Variants in ERAP1 observed in about 807,000 individuals in gnomAD.
ERAP1 encodes the protein adipocyte-derived leucine aminopeptidase.
A neutral mutation model predicts 103.7 loss-of-function variants in ERAP1; 86 were observed. The observed-to-expected ratio is 0.83, with a 90% CI of 0.70 to 0.99. The LOEUF (loss-of-function observed/expected upper bound fraction) is 0.99. Ranked by LOEUF, ERAP1 falls within the 50% of genes least tolerant of loss-of-function variation. The pLI is 0.00. For missense variants in ERAP1, 1,009 were observed against 1,128.4 expected (o/e 0.89, Z 1.52); for synonymous variants, 398 against 402.4 (o/e 0.99, Z 0.13).
At chr5:96,927,385 T>A in the ERAP1 span, among the ~76,000 whole-genome samples, 109 of 152,378 alleles carry the variant, frequency 7.2e-4, 1 homozygote, top group African/African-American at 2.5e-3. Context: ...TGGATTTGAT[T>A]TGCTTTTCCC....
At chr5:96,819,902 T>G in the ERAP1 span, among the ~76,000 whole-genome samples, 1 of 152,232 alleles carries the variant, frequency 6.6e-6, no homozygotes, top group Non-Finnish European at 1.5e-5. Flanking sequence ...CAATTTTGAC[T>G]ATTTGGGTGT....
At chr5:96,809,804 A>C (rs925926422), upstream of ERAP1, among the ~76,000 whole-genome samples, 57 of 152,272 alleles carry the variant, frequency 3.7e-4, no homozygotes, top group African/African-American at 1.3e-3. Context: ...TTGTCCAGTA[A>C]ATGTATGCAT....
the ERAP1 span, among the ~76,000 whole-genome samples, chr5:96,833,840 C>T: frequency 1.2e-4 from 18 of 151,462 alleles, no homozygotes; most frequent in African/African-American, 4.1e-4. Context: ...TGAATTCTGA[C>T]AGGATTTTCT....
chr5:96,793,903 G>A lies in ERAP1; in HGVS notation c.974C>T (p.Thr325Ile). The A allele has an allele frequency of 1.2e-6, 2 of 1,614,134 alleles. No homozygotes were observed. The highest frequency in any genetic ancestry group is 2.2e-5 in the East Asian group (1 of 44,882). The change falls in exon 6 of 19, where the codon ACA becomes ATA. Residue 325 changes from threonine to isoleucine, a missense_variant. By Grantham distance (89) the Thr-to-Ile change is moderately conservative. Coordinates refer to ENST00000443439, the MANE Select transcript of ERAP1 (RefSeq NM_001040458.3). ...QSGAMENWGLTTYRESALLFD... is the reference protein window; with the variant it reads ...QSGAMENWGLITYRESALLFD... ...CAACAGAGCAGATTCTCTATATGTT[G>A]TCAGTCCCCAGTTTTCCATAGCACC...
chr5:96,935,286 G>C, the ERAP1 span: 3 of 152,316 alleles, frequency 2.0e-5, no homozygotes, highest in Non-Finnish European at 4.4e-5. Context: ...GCACCTAGAG[G>C]CCGCAAGGCA....
upstream of ERAP1, among the ~76,000 whole-genome samples, chr5:96,810,443 C>T (rs1457479360): frequency 1.3e-5 from 2 of 152,206 alleles, no homozygotes; most frequent in Admixed American, 1.3e-4. Flanking sequence ...ATCTCTTCAG[C>T]AACCCTGTAA....
chr5:96,806,236 GCTGGTCTCCTAGGGT>G (rs994754182), intron 1 of ERAP1: 24 of 152,112 alleles, frequency 1.6e-4, no homozygotes, highest in African/African-American at 5.8e-4. Flanking sequence ...CATGGTTCTG[GCTGGTCTCCTAGGGT>G]CTGGTTTTAC....
At chr5:96,854,132 T>C in the ERAP1 span, among the ~76,000 whole-genome samples, 3 of 152,102 alleles carry the variant, frequency 2.0e-5, no homozygotes, top group East Asian at 1.9e-4. Flanking sequence ...CACACAGCTA[T>C]GTTATCGAGC....
At chr5:96,818,900 T>TATGTATG in the ERAP1 span, among the ~76,000 whole-genome samples, 1 of 86,036 alleles carries the variant, frequency 1.2e-5, no homozygotes, top group Non-Finnish European at 2.9e-5. Context: ...CTGCATTTAT[T>TATGTATG]TATTTATTTA....
chr5:96,814,773 T>C, the ERAP1 span, among the ~76,000 whole-genome samples: 3 of 152,056 alleles, frequency 2.0e-5, no homozygotes, highest in African/African-American at 7.2e-5. Flanking sequence ...TGATTAAAGG[T>C]AGAAAGAGCC....
chr5:96,873,637 T>C, the ERAP1 span: 8 of 330,148 alleles, frequency 2.4e-5, no homozygotes, highest in Admixed American at 1.2e-4. Flanking sequence ...GAAAGCACCC[T>C]GATGTGCTTG....
intron 1 of ERAP1, among the ~76,000 whole-genome samples, chr5:96,806,631 T>C (rs1001570894): frequency 0.3 from 32,113 of 108,248 alleles, 2,964 homozygotes; most frequent in Non-Finnish European, 0.34. Context: ...CTCTTTTTTT[T>C]TTTTTTTTTT....
chr5:96,865,965 C>T, the ERAP1 span, among the ~76,000 whole-genome samples: 19 of 152,194 alleles, frequency 1.2e-4, no homozygotes, highest in Admixed American at 3.9e-4. Context: ...TTTTACTCTA[C>T]GCATGTATGT....
At chr5:96,872,410 G>C in the ERAP1 span, among the ~76,000 whole-genome samples, 3 of 151,160 alleles carry the variant, frequency 2.0e-5, no homozygotes. Context: ...ATCAACCTGG[G>C]AAACATGGTG....
At chr5:96,761,589 G>C (rs1255488180) in exon 20 of ERAP1, 1 of 152,006 alleles carries the variant, frequency 6.6e-6, no homozygotes, top group Non-Finnish European at 1.5e-5. Flanking sequence ...AAGAGTTCTG[G>C]ACTTTTTTCT....
At chr5:96,929,971 A>G in the ERAP1 span, among the ~76,000 whole-genome samples, 4 of 152,150 alleles carry the variant, frequency 2.6e-5, no homozygotes, top group Non-Finnish European at 2.9e-5. Context: ...CTGTAAACTA[A>G]AAATAAAATT....
At chr5:96,785,652 T>C in intron 13 of ERAP1, 136 bp downstream of exon 13, 7 of 877,556 alleles carry the variant, frequency 8.0e-6, no homozygotes, top group Non-Finnish European at 1.2e-5. Context: ...CAATCTTGGG[T>C]TGTTAGAAGA....
At chr5:96,921,150 C>A in the ERAP1 span, among the ~76,000 whole-genome samples, 1 of 152,360 alleles carries the variant, frequency 6.6e-6, no homozygotes, top group Middle Eastern at 3.4e-3. Flanking sequence ...CTGTCCCCAG[C>A]ACTCTCGAAG....
downstream of ERAP1, among the ~76,000 whole-genome samples, chr5:96,771,190 C>A (rs1457271947): frequency 6.6e-6 from 1 of 152,128 alleles, no homozygotes; most frequent in Non-Finnish European, 1.5e-5. Flanking sequence ...GCCATTATAT[C>A]TCAGTTTAAA....
Sources: allele counts gnomAD v4.1 joint callset (sites outside exome capture counted in the v4.1 genomes callset), GRCh38; gene constraint gnomAD v4.1.1; transcripts MANE v1.5; gene names NCBI Gene and HGNC (gene_info 2026-07-23, HGNC 2026-07-21).